The following SQSTM1 variants were observed in gnomAD, a reference collection of about 807,000 sequenced individuals.
SQSTM1 encodes sequestosome 1, also known as sequestosome-1.
Under a neutral mutation model 45.1 loss-of-function variants are expected in SQSTM1, and 36 were observed. The ratio of observed to expected loss-of-function variants is 0.80; its 90% CI spans 0.61 to 1.05. The LOEUF (loss-of-function observed/expected upper bound fraction) is 1.05, where lower values mean the gene tolerates loss of function less well. Ranked by LOEUF, SQSTM1 falls within the 50% of genes least tolerant of loss-of-function variation. The pLI, the probability that SQSTM1 is intolerant of heterozygous loss-of-function variation, is 0.00. For synonymous variants in SQSTM1, 290 were observed against 244.3 expected (o/e 1.19, Z -1.74); for missense variants, 617 against 607.1 (o/e 1.02, Z -0.17).
intron 5 of SQSTM1, among the ~76,000 whole-genome samples, chr5:179,830,187 T>C (rs1326326795): frequency 2.6e-5 from 4 of 152,176 alleles, no homozygotes; most frequent in African/African-American, 4.8e-5. Flanking sequence ...TCTTCTAGAT[T>C]GAAAGCGGCC....
At chr5:179,825,274 T>A in intron 5 of SQSTM1, 48 bp downstream of exon 5, 1 of 1,480,206 alleles carries the variant, frequency 6.8e-7, no homozygotes, top group Non-Finnish European at 9.4e-7. Flanking sequence ...GCCTGCACTT[T>A]ATGTAACTTT....
chr5:179,837,663 G>C lies in SQSTM1; in HGVS notation c.*1070G>C. On this transcript the variant is annotated 3_prime_UTR_variant, in exon 8 of 8. Coordinates refer to ENST00000389805, the MANE Select transcript of SQSTM1 (RefSeq NM_003900.5). ...GCCTGTGCTGGACCAGCTGGCCTGG[G>C]GTCCCTCTGAAGAGACCTTGGCTGC... 1 of 1,614,184 alleles carries C rather than the reference G, an allele frequency of 6.2e-7. No homozygotes were observed. The highest frequency in any genetic ancestry group is 1.1e-5 in the South Asian group (1 of 91,080).
intron 7 of SQSTM1, among the ~76,000 whole-genome samples, chr5:179,834,584 G>C (rs1758422808): frequency 6.6e-6 from 1 of 151,612 alleles, no homozygotes. Flanking sequence ...TTGTGTCCCT[G>C]GGTACTTGAG....
chr5:179,827,466 A>G (rs1445285717), intron 5 of SQSTM1, among the ~76,000 whole-genome samples: 3 of 151,998 alleles, frequency 2.0e-5, no homozygotes, highest in Non-Finnish European at 4.4e-5. Flanking sequence ...TTGTATTTTT[A>G]GTAGAGACGG....
In SQSTM1 at chr5:179,833,679, G is replaced by C. The variant is rs976860428; in HGVS notation, c.1062G>C (p.Gln354His). The change falls in exon 7 of 8, where the codon CAG becomes CAC. Residue 354 changes from glutamine (Q) to histidine (H), a missense_variant. Physicochemically the swap from Gln to His is conservative, Grantham distance 24 (BLOSUM62 0). Coordinates refer to ENST00000389805, the MANE Select transcript of SQSTM1 (RefSeq NM_003900.5). ...TGGACCCGTCTACAGGTGAACTCCA[G>C]TCCCTACAGATGCCAGAATCCGAAG... The part of the protein sequence containing the change: ...KEVDPSTGEL[Q>H]SLQMPESEGP... The C allele has an allele frequency of 1.2e-6, 2 of 1,614,074 alleles. No homozygotes were observed. The highest frequency in any genetic ancestry group is 1.7e-6 in the Non-Finnish European group (2 of 1,180,038).
chr5:179,813,603 A>G (rs913894199), intron 2 of SQSTM1: 7 of 152,028 alleles, frequency 4.6e-5, no homozygotes, highest in Non-Finnish European at 8.8e-5. Flanking sequence ...GAAATTAAAA[A>G]AAAAACAATA....
At chr5:179,830,036 A>G (rs1269216768) in intron 5 of SQSTM1, among the ~76,000 whole-genome samples, 1 of 152,164 alleles carries the variant, frequency 6.6e-6, no homozygotes, top group African/African-American at 2.4e-5. Flanking sequence ...TTGAGCCTGG[A>G]AGGCAGAGGG....
At position 179,823,992 on chromosome 5, in the gene SQSTM1, C is replaced by A; in HGVS notation, c.436C>A (p.Pro146Thr). ...AACCCGCTACAAGTGCAGCGTCTGC[C>A]CAGACTACGACTTGTGTAGCGTCTG... ...VGTRYKCSVCPDYDLCSVCEG... is the reference protein window; with the variant it reads ...VGTRYKCSVCTDYDLCSVCEG... Residue 146 changes from proline to threonine, a missense_variant, in exon 3 of 8, where the codon CCA becomes ACA. Transcript: ENST00000389805. 1 of 1,614,042 alleles carries A rather than the reference C, an allele frequency of 6.2e-7. No homozygotes were observed. The highest frequency in any genetic ancestry group is 8.5e-7 in the Non-Finnish European group (1 of 1,180,034).
At chr5:179,830,124 A>G (rs957172844) in intron 5 of SQSTM1, among the ~76,000 whole-genome samples, 2 of 91,114 alleles carry the variant, frequency 2.2e-5, no homozygotes, top group African/African-American at 1.1e-4. Context: ...AAACAAAACA[A>G]AACAAAACAA....
Position 179,833,052 on chromosome 5 carries a change from G to A in SQSTM1, c.775G>A (p.Val259Met), listed in dbSNP as rs768230977. The A allele has an allele frequency of 1.2e-6, 2 of 1,614,190 alleles. No individual in the cohort carries two copies. The highest frequency in any genetic ancestry group is 1.7e-6 in the Non-Finnish European group (2 of 1,180,036). The part of the protein sequence containing the change: ...SPLGIEVDID[V>M]EHGGKRSRLT... ...TCTAGGCATTGAAGTTGATATCGAT[G>A]TGGAGCACGGAGGGAAAAGAAGCCG... The change falls in exon 6 of 8, where the codon GTG becomes ATG. Residue 259 changes from valine to methionine, a missense_variant. Physicochemically the swap from Val to Met is conservative, Grantham distance 21. Transcript: ENST00000389805.
chr5:179,811,391 GCTATGCAGGGGGAGGA>G, intron 1 of SQSTM1, among the ~76,000 whole-genome samples: 1 of 36,220 alleles, frequency 2.8e-5, no homozygotes, highest in Non-Finnish European at 6.8e-5. Flanking sequence ...AGGGGGAGGA[GCTATGCAGGGGGAGGA>G]GCTATGCAGG....
chr5:179,837,272 GAA>G lies in SQSTM1; in HGVS notation c.*681_*682del, dbSNP rs1217923626. ...TTAACCAATGACGTTTGCATAGAGA[GAA>G]ATGATTGACAGTAAGTTTATTGTTA... On this transcript the variant is annotated 3_prime_UTR_variant, in exon 8 of 8. Coordinates refer to ENST00000389805, the MANE Select transcript of SQSTM1 (RefSeq NM_003900.5). 1.9e-6 allele frequency: 3 copies of G among 1,606,168 alleles called. No homozygotes were observed. The highest frequency in any genetic ancestry group is 2.2e-5 in the East Asian group (1 of 44,882).
At chr5:179,828,800 TA>T (rs1383133481) in intron 5 of SQSTM1, among the ~76,000 whole-genome samples, 1 of 144,136 alleles carries the variant, frequency 6.9e-6, no homozygotes, top group Admixed American at 7.5e-5. Flanking sequence ...TCTATTGAAA[TA>T]ACAGGAAAGG....
chr5:179,833,810 A>G (rs1758363882), intron 7 of SQSTM1, 28 bp downstream of exon 7: 7 of 1,612,564 alleles, frequency 4.3e-6, no homozygotes, highest in Non-Finnish European at 4.2e-6. Context: ...TTTTGTACAT[A>G]TTCCTACCTT....
chr5:179,821,608 G>C (rs570457687), intron 1 of SQSTM1: 9 of 441,834 alleles, frequency 2.0e-5, no homozygotes, highest in African/African-American at 1.6e-4. Context: ...AGGGGAGGGA[G>C]TGACGCGGGT....
chr5:179,830,558 TC>T (rs1758168089), intron 5 of SQSTM1, among the ~76,000 whole-genome samples: 6 of 146,658 alleles, frequency 4.1e-5, no homozygotes, highest in African/African-American at 1.6e-4. Context: ...TTTTTTTTTT[TC>T]TTTTTCTTTC....
upstream of SQSTM1, among the ~76,000 whole-genome samples, chr5:179,819,459 G>A (rs1757690028): frequency 6.6e-6 from 1 of 152,210 alleles, no homozygotes; most frequent in African/African-American, 2.4e-5. Flanking sequence ...CTTCCTCAAA[G>A]CTATGTTCCC....
rs1758672550 is a variant in SQSTM1 at position 179,837,804 on chromosome 5, C to T, written c.*1211C>T. ...AGCTCCTTCCCAGGACCCCTCAGCT[C>T]CCCGGCACTGCAGTCTGCAGAGTTC... On this transcript the variant is annotated 3_prime_UTR_variant, in exon 8 of 8. Coordinates refer to ENST00000389805, the MANE Select transcript of SQSTM1 (RefSeq NM_003900.5). The T allele has an allele frequency of 6.2e-7, 1 of 1,613,918 alleles. No homozygotes were observed. Among genetic ancestry groups the T allele is most frequent in the Non-Finnish European group, 8.5e-7 (1 of 1,180,046 alleles).
intron 5 of SQSTM1, among the ~76,000 whole-genome samples, chr5:179,831,823 C>T (rs1183149301): frequency 6.7e-5 from 10 of 149,256 alleles, no homozygotes; most frequent in African/African-American, 2.5e-4. Context: ...CTTGCTCTGT[C>T]ACCAGGCTGG....
Sources: allele counts gnomAD v4.1 joint callset (sites outside exome capture counted in the v4.1 genomes callset), GRCh38; gene constraint gnomAD v4.1.1; transcripts MANE v1.5; gene names NCBI Gene and HGNC (gene_info 2026-07-23, HGNC 2026-07-21).